ANK1: variants seen among roughly 807,000 people sequenced by gnomAD.
ANK1 encodes the protein ankyrin-1.
Under a neutral mutation model 210.4 loss-of-function variants are expected in ANK1, and 51 were observed. The observed-to-expected ratio is 0.24, with a 90% CI of 0.19 to 0.31. The LOEUF is 0.31. Among genes scored for constraint, ANK1 ranks in the 10% least tolerant of loss-of-function variants. The probability of loss-of-function intolerance (pLI) is 1.00; values close to 1 mark genes in which losing one functional copy is unlikely to be tolerated. For missense variants in ANK1, 2,051 were observed against 2,504.4 expected (o/e 0.82, Z 3.86); for synonymous variants, 967 against 1,025.9 (o/e 0.94, Z 1.10).
At chr8:41,668,161 G>T in intron 39 of ANK1, 106 bp downstream of exon 39, 1 of 1,471,554 alleles carries the variant, frequency 6.8e-7, no homozygotes, top group Non-Finnish European at 9.5e-7. Context: ...AAAGGAAGGG[G>T]ATATGCTTAG....
chr8:41,665,361 G>A (rs1810140695), intron 39 of ANK1: 52 of 1,081,934 alleles, frequency 4.8e-5, no homozygotes, highest in Non-Finnish European at 6.1e-5. Context: ...AAGCCGGCAG[G>A]TGCCCATGTC....
At chr8:41,660,634 C>T in intron 42 of ANK1, 3 of 432,040 alleles carry the variant, frequency 6.9e-6, no homozygotes, top group African/African-American at 2.1e-5. Flanking sequence ...CATGCCCCTG[C>T]TCTGTGGCCA....
chr8:41,705,653 C>T (rs1218360960), intron 18 of ANK1, among the ~76,000 whole-genome samples: 5 of 152,202 alleles, frequency 3.3e-5, no homozygotes, highest in African/African-American at 9.7e-5. Flanking sequence ...CCCAGCTCCT[C>T]TCTTAAGAGT....
At chr8:41,764,729 C>G (rs1372281714) in intron 1 of ANK1, among the ~76,000 whole-genome samples, 1 of 152,226 alleles carries the variant, frequency 6.6e-6, no homozygotes, top group Non-Finnish European at 1.5e-5. Flanking sequence ...GTTCGGGGAT[C>G]TGCACACAGC....
chr8:41,758,095 T>C lies in ANK1; in HGVS notation c.70A>G (p.Asn24Asp). 1 of 1,614,112 alleles carries C rather than the reference T, an allele frequency of 6.2e-7. No individual in the cohort carries two copies. Among genetic ancestry groups the C allele is most frequent in the Non-Finnish European group, 8.5e-7 (1 of 1,180,032 alleles). Residue 24 changes from asparagine (N) to aspartate (D), a missense_variant, in exon 2 of 43, where the codon AAC (asparagine) becomes GAC (aspartate). This residue lies in a region of ANK1 where 72 missense variants were observed against 133.5 expected (regional missense o/e 0.54). Coordinates refer to ENST00000289734, the MANE Select transcript of ANK1 (RefSeq NM_000037.4). ...TSFLRAARSG[N>D]LDKALDHLRN... ...AGGTGATCCAAAGCTTTGTCCAAGT[T>C]ACCTGATCTTGCTGCTCTCAGAAAG...
At chr8:41,723,072 T>C in intron 9 of ANK1, 53 bp downstream of exon 9, 3 of 1,492,756 alleles carry the variant, frequency 2.0e-6, no homozygotes, top group African/African-American at 1.4e-5. Flanking sequence ...GCCAGGTCTG[T>C]TGGACCTGGA....
intron 2 of ANK1, among the ~76,000 whole-genome samples, chr8:41,738,892 C>T (rs1834049434): frequency 6.6e-6 from 1 of 152,246 alleles, no homozygotes; most frequent in African/African-American, 2.4e-5. Flanking sequence ...TATTTCTTCC[C>T]TCAAATAACA....
At chr8:41,752,106 G>A (rs187855516) in intron 2 of ANK1, among the ~76,000 whole-genome samples, 4 of 152,174 alleles carry the variant, frequency 2.6e-5, no homozygotes, top group Admixed American at 6.5e-5. Context: ...CTTGAAAGTC[G>A]TCTCCCTAGA....
intron 39 of ANK1, among the ~76,000 whole-genome samples, chr8:41,664,447 C>A (rs1349699355): frequency 6.6e-6 from 1 of 152,158 alleles, no homozygotes; most frequent in South Asian, 2.1e-4. Flanking sequence ...CATGCCACTG[C>A]ACTCCAGCCT....
intron 7 of ANK1, among the ~76,000 whole-genome samples, chr8:41,723,881 C>T (rs1270784056): frequency 1.3e-5 from 2 of 151,348 alleles, no homozygotes; most frequent in African/African-American, 4.9e-5. Context: ...GCTCCGCCTC[C>T]CGGGTTCACG....
chr8:41,757,442 C>A (rs1294283984), intron 2 of ANK1, among the ~76,000 whole-genome samples: 1 of 152,210 alleles, frequency 6.6e-6, no homozygotes, highest in Non-Finnish European at 1.5e-5. Flanking sequence ...TGGCTCCAAG[C>A]CCGAGTCTCT....
intron 2 of ANK1, among the ~76,000 whole-genome samples, chr8:41,743,968 T>G (rs1835429038): frequency 6.6e-6 from 1 of 152,154 alleles, no homozygotes; most frequent in African/African-American, 2.4e-5. Context: ...ACCAGGGATC[T>G]TTGGAGAAGT....
Position 41,696,358 on chromosome 8 carries a change from C to T in ANK1, c.2960+5G>A. ...GGAGAACACGGGCTGCCCGCGCAAG[C>T]TCACCTCAGGAACTGTGCCCCCGTG... On this transcript the variant is annotated splice_donor_5th_base_variant and intron_variant, in intron 26 of 42. Transcript: ENST00000289734. The T allele has an allele frequency of 6.2e-7, 1 of 1,613,142 alleles. No individual in the cohort carries two copies.
Position 41,727,998 on chromosome 8 carries a change from G to A in ANK1, c.237C>T (p.Asn79=), listed in dbSNP as rs372696694. ...IILETTTKKG[N]TALHIAALAG... is the part of the protein sequence containing the mutation. The stretch of plus-strand genomic sequence containing the variant: ...CTAGAGCAGCGATGTGCAGGGCCGT[G>A]TTCCCCTTCTGAAACACATGGGGGA... Residue 79 remains asparagine, a synonymous_variant, in exon 4 of 43, where the codon AAC becomes AAT. Coordinates refer to ENST00000289734, the MANE Select transcript of ANK1 (RefSeq NM_000037.4). The A allele has an allele frequency of 1.3e-3, 2,033 of 1,614,022 alleles. 30 individuals are homozygous for A. In the South Asian group the frequency reaches 0.021, roughly 17 times the overall value.
At chr8:41,867,841 A>G (rs2150822929) in intron 1 of ANK1, among the ~76,000 whole-genome samples, 1 of 151,500 alleles carries the variant, frequency 6.6e-6, no homozygotes, top group South Asian at 2.1e-4. Flanking sequence ...GCACAGTTAA[A>G]TAATATTTCT....
At position 41,696,660 on chromosome 8, in the gene ANK1, T is replaced by C. The variant is rs1318140000; in HGVS notation, c.2735+16A>G. 1.2e-6 allele frequency: 2 copies of C among 1,604,372 alleles called. No individual in the cohort carries two copies. The highest frequency in any genetic ancestry group is 1.7e-6 in the Non-Finnish European group (2 of 1,179,752). Reference sequence around the variant, plus strand: ...GATGGAGACAGGAGTCCCCGAGCCCTGCGCCCGCCACTCACCCTGTATGCA... The same window carrying C: ...GATGGAGACAGGAGTCCCCGAGCCCCGCGCCCGCCACTCACCCTGTATGCA... On this transcript the variant is annotated intron_variant, in intron 25 of 42. Coordinates refer to ENST00000289734, the MANE Select transcript of ANK1 (RefSeq NM_000037.4).
chr8:41,831,808 T>A (rs1806710802), intron 1 of ANK1, among the ~76,000 whole-genome samples: 3 of 152,198 alleles, frequency 2.0e-5, no homozygotes, highest in Admixed American at 1.3e-4. Flanking sequence ...CCTCAGCGTG[T>A]GAATGAATAG....
At position 41,696,497 on chromosome 8, in the gene ANK1, C is replaced by G. The variant is rs7002295; in HGVS notation, c.2826G>C (p.Thr942=). Residue 942 remains threonine (T), a synonymous_variant, in exon 26 of 43, where the codon ACG becomes ACC. Transcript: ENST00000289734. ...AGGTGATGCGGGTGGGCGCTGCGCA[C>G]GTCCGTGGCGGGATCACCACTCGCA... ...NGLRVVIPPR[T]CAAPTRITCR... The G allele has an allele frequency of 6.2e-7, 1 of 1,613,530 alleles. No individual in the cohort carries two copies. Among genetic ancestry groups the G allele is most frequent in the East Asian group, 2.2e-5 (1 of 44,870 alleles).
chr8:41,891,780 G>C (rs574574509), intron 1 of ANK1, among the ~76,000 whole-genome samples: 466 of 152,306 alleles, frequency 3.1e-3, no homozygotes, highest in Admixed American at 7.6e-3. Context: ...GGAGGCTCCC[G>C]AGGTACTACA....
Sources: gnomAD v4.1 joint callset for allele counts (sites outside exome capture counted in the v4.1 genomes callset) on GRCh38, gnomAD v4.1.1 for gene constraint, gnomAD v4.1.1 regional missense constraint, MANE v1.5 for transcripts, NCBI Gene and HGNC (gene_info 2026-07-23, HGNC 2026-07-21) for gene names.